Variants in FLT4 observed in about 807,000 individuals in gnomAD.
The protein encoded by FLT4 is vascular endothelial growth factor receptor 3.
A neutral mutation model predicts 163.2 loss-of-function variants in FLT4; 30 were observed. The ratio of observed to expected loss-of-function variants is 0.18; its 90% CI spans 0.14 to 0.25. FLT4 has a LOEUF of 0.25. Among genes scored for constraint, FLT4 ranks in the 10% least tolerant of loss-of-function variants. The pLI, the probability that FLT4 is intolerant of heterozygous loss-of-function variation, is 1.00. For missense variants in FLT4, 1,510 were observed against 1,863.8 expected (o/e 0.81, Z 3.50); for synonymous variants, 884 against 789.5 (o/e 1.12, Z -2.01).
At chr5:180,632,208 C>T (rs1027960678) in intron 1 of FLT4, among the ~76,000 whole-genome samples, 2 of 152,166 alleles carry the variant, frequency 1.3e-5, no homozygotes, top group African/African-American at 2.4e-5. Flanking sequence ...CCAGAGGGTC[C>T]GCACATCCCA....
intron 1 of FLT4, among the ~76,000 whole-genome samples, chr5:180,644,805 T>C (rs1765390068): frequency 6.6e-6 from 1 of 152,244 alleles, no homozygotes; most frequent in South Asian, 2.1e-4. Context: ...TGGTAGAATT[T>C]AGAGTAGCTT....
At chr5:180,608,786 G>A (rs1308999515) in intron 29 of FLT4, among the ~76,000 whole-genome samples, 182 bp downstream of exon 29, 1 of 152,166 alleles carries the variant, frequency 6.6e-6, no homozygotes, top group Admixed American at 6.5e-5. Context: ...GACAGGGAGG[G>A]GCTCCCGCGG....
At chr5:180,650,257 C>A (rs923584988), upstream of FLT4, among the ~76,000 whole-genome samples, 1 of 151,946 alleles carries the variant, frequency 6.6e-6, no homozygotes, top group Non-Finnish European at 1.5e-5. Flanking sequence ...GGAAGCCGCA[C>A]CCGTGAGCGG....
Position 180,614,184 on chromosome 5 carries a change from G to A in FLT4, c.3220-5C>T, listed in dbSNP as rs748389254. On this transcript the variant is annotated splice_polypyrimidine_tract_variant and splice_region_variant and intron_variant, in intron 23 of 29. Transcript: ENST00000261937. ...CCACTTCAGGGGCAGCCGGGCCTGG[G>A]GAGACAGAGGGAAGCTTGTCCCGTG... 6.3e-7 allele frequency: 1 copy of A among 1,594,716 alleles called. No individual in the cohort carries two copies. Among genetic ancestry groups the A allele is most frequent in the Non-Finnish European group, 8.6e-7 (1 of 1,165,476 alleles).
chr5:180,603,073 A>G lies in FLT4; in HGVS notation c.*119T>C. 2 of 962,206 alleles carry G rather than the reference A, an allele frequency of 2.1e-6. No homozygotes were observed. Among genetic ancestry groups the G allele is most frequent in the Non-Finnish European group, 3.3e-6 (2 of 611,686 alleles). 59.6% of individuals were successfully genotyped at this position (962,206 alleles called of 1,614,324 possible). On this transcript the variant is annotated 3_prime_UTR_variant, in exon 30 of 30. Coordinates refer to ENST00000261937, the MANE Select transcript of FLT4 (RefSeq NM_182925.5). ...TAGCTGGGAAGTCTGCAGAGAGGGA[A>G]GAGGACACTCCTGTGCCACCAGAGT...
chr5:180,627,939 G>A (rs542177358), intron 8 of FLT4, among the ~76,000 whole-genome samples: 11 of 152,282 alleles, frequency 7.2e-5, no homozygotes, highest in African/African-American at 2.4e-4. Flanking sequence ...GTCACACTGG[G>A]CTCAGGGCCA....
Position 180,628,994 on chromosome 5 carries a change from G to C in FLT4, c.991C>G (p.Pro331Ala), listed in dbSNP as rs762849271. 1.2e-6 allele frequency: 2 copies of C among 1,611,536 alleles called. No homozygotes were observed. The highest frequency in any genetic ancestry group is 8.5e-7 in the Non-Finnish European group (1 of 1,178,874). Residue 331 changes from proline to alanine, a missense_variant, in exon 8 of 30, where the codon CCC becomes GCC. This residue lies in a region of FLT4 where 163 missense variants were observed against 281.1 expected (regional missense o/e 0.58). Coordinates refer to ENST00000261937, the MANE Select transcript of FLT4 (RefSeq NM_182925.5). ...ESTEVIVHEN[P>A]FISVEWLKGP... ...TTGAGCCACTCGACGCTGATGAAGG[G>C]ATTTTCTGCCGGACAGGAGAAGTCA... is the stretch of plus-strand genomic sequence containing the variant.
intron 1 of FLT4, among the ~76,000 whole-genome samples, chr5:180,640,486 G>T (rs1003233872): frequency 6.6e-6 from 1 of 152,194 alleles, no homozygotes; most frequent in African/African-American, 2.4e-5. Flanking sequence ...AGGCAGGAAG[G>T]CCCACGTAGG....
chr5:180,619,317 G>A lies in FLT4; in HGVS notation c.2697C>T (p.Ile899=), dbSNP rs746710568. The change falls in exon 19 of 30, where the codon ATC becomes ATT. Residue 899 remains isoleucine, a synonymous_variant. Transcript: ENST00000261937. ...EHRALMSELK[I]LIHIGNHLNV... ...TGAGGTGGTTGCCGATGTGAATGAG[G>A]ATCTTGAGCTCCGACATCAGCGCGC... 2 of 1,611,484 alleles carry A rather than the reference G, an allele frequency of 1.2e-6. No individual in the cohort carries two copies. Among genetic ancestry groups the A allele is most frequent in the Non-Finnish European group, 1.7e-6 (2 of 1,179,538 alleles).
chr5:180,629,913 G>A (rs1220939850), intron 5 of FLT4, 30 bp downstream of exon 5: 7 of 1,612,506 alleles, frequency 4.3e-6, no homozygotes, highest in Admixed American at 3.3e-5. Flanking sequence ...TGACAGCCCC[G>A]TTACTGGGAA....
intron 29 of FLT4, among the ~76,000 whole-genome samples, chr5:180,606,905 AAAAAAAAAAACAAACAAAC>A (rs1478767903): frequency 5.2e-5 from 2 of 38,632 alleles, no homozygotes; most frequent in Non-Finnish European, 1.1e-4. Flanking sequence ...AAAAAAAAAA[AAAAAAAAAAACAAACAAAC>A]AAACTTAGCT....
In FLT4 at chr5:180,620,126, T is replaced by G; in HGVS notation, c.2542+47A>C. ...TTCAGGCACTCCGGCCTGCAGCAGG[T>G]GGGTCGGGCAGGAGGTGTGGGTTGG... On this transcript the variant is annotated intron_variant, in intron 17 of 29. Transcript: ENST00000261937. This position sits in a 1 kb window ranked among gnomAD's most constrained non-coding sequence, Gnocchi z 4.4. 1 of 1,582,394 alleles carries G rather than the reference T, an allele frequency of 6.3e-7. No homozygotes were observed. Among genetic ancestry groups the G allele is most frequent in the Non-Finnish European group, 8.6e-7 (1 of 1,167,252 alleles).
chr5:180,614,134 T>C lies in FLT4; in HGVS notation c.3265A>G (p.Lys1089Glu), dbSNP rs775314003. The change falls in exon 24 of 30, where the codon AAG (lysine) becomes GAG (glutamate). Residue 1089 changes from lysine (K) to glutamate (E), a missense_variant. Around this residue, in one of 5 missense-constraint regions of FLT4, gnomAD observed 17 missense variants for 76.2 expected, o/e 0.22. Transcript: ENST00000261937. ...ACGTCACTCTGCGTGGTGTACACCT[T>C]GTCGAAGATGCTTTCAGGGGCCATC... The part of the protein sequence containing the change: ...KWMAPESIFD[K>E]VYTTQSDVWS... The C allele has an allele frequency of 2.5e-6, 4 of 1,613,852 alleles. No homozygotes were observed. The highest frequency in any genetic ancestry group is 3.3e-5 in the Admixed American group (2 of 59,988).
intron 29 of FLT4, among the ~76,000 whole-genome samples, chr5:180,604,539 T>C (rs551862572): frequency 6.6e-6 from 1 of 152,244 alleles, no homozygotes; most frequent in African/African-American, 2.4e-5. Context: ...GTCATTCTCC[T>C]CCTGACACGC....
rs561543548 is a variant in FLT4, at chr5:180,630,466, C to T, written c.400+89G>A. On this transcript the variant is annotated intron_variant, in intron 3 of 29. Coordinates refer to ENST00000261937, the MANE Select transcript of FLT4 (RefSeq NM_182925.5). The surrounding 1 kb of genome is among the most constrained non-coding windows in gnomAD (Gnocchi z 6.3). ...AGCAGGTAGGGCCCCGTTCTCTCCT[C>T]CTGCCAGCCCAGGGTCCACAGGCTG... is the stretch of plus-strand genomic sequence containing the variant. The T allele has an allele frequency of 1.6e-5, 26 of 1,591,844 alleles. No individual in the cohort carries two copies. In the East Asian group the frequency reaches 5.2e-4, roughly 32 times the overall value.
intron 1 of FLT4, among the ~76,000 whole-genome samples, chr5:180,645,014 G>A (rs1359255211): frequency 6.6e-6 from 1 of 152,216 alleles, no homozygotes; most frequent in Non-Finnish European, 1.5e-5. Flanking sequence ...ATGGTGCTGG[G>A]GCTGGTGTGT....
At chr5:180,639,096 C>T (rs1238932480) in intron 1 of FLT4, among the ~76,000 whole-genome samples, 6 of 150,582 alleles carry the variant, frequency 4.0e-5, no homozygotes, top group East Asian at 2.0e-4. Context: ...GATAGGTGGA[C>T]GCATGGATGG....
intron 14 of FLT4, 31 bp from the exon 15 acceptor site, chr5:180,621,038 A>G: frequency 6.2e-7 from 1 of 1,611,176 alleles, no homozygotes; most frequent in Non-Finnish European, 8.5e-7. Context: ...GTGCGGGTCC[A>G]CCTGGGTTTG....
intron 1 of FLT4, among the ~76,000 whole-genome samples, chr5:180,638,726 T>C (rs1764870546): frequency 6.6e-6 from 1 of 152,210 alleles, no homozygotes; most frequent in Admixed American, 6.5e-5. Context: ...CTTCTCACGC[T>C]AAGGACTCAG....
Sources: allele counts gnomAD v4.1 joint callset (sites outside exome capture counted in the v4.1 genomes callset), GRCh38; gene constraint gnomAD v4.1.1; regional missense constraint gnomAD v4.1.1; non-coding constraint Gnocchi (gnomAD v3.1); transcripts MANE v1.5; gene names NCBI Gene and HGNC (gene_info 2026-07-23, HGNC 2026-07-21).